The following OR2L13 variants were observed in gnomAD, a reference collection of about 807,000 sequenced individuals.
OR2L13 encodes olfactory receptor family 2 subfamily L member 13.
In OR2L13, 14 loss-of-function variants were observed where a neutral mutation model predicts 15.3. That is an observed-to-expected ratio of 0.91 (90% confidence interval 0.60 to 1.43). The LOEUF is 1.43. Among genes scored for constraint, OR2L13 ranks in the 40% most tolerant of loss-of-function variants. The probability of loss-of-function intolerance (pLI) is 0.00; values close to 1 mark genes in which losing one functional copy is unlikely to be tolerated. For missense variants in OR2L13, 367 were observed against 387.9 expected (o/e 0.95, Z 0.45); for synonymous variants, 152 against 142.9 (o/e 1.06, Z -0.45).
the OR2L13 span, among the ~76,000 whole-genome samples, chr1:247,945,106 C>T: frequency 6.6e-6 from 1 of 151,840 alleles, no homozygotes; most frequent in Non-Finnish European, 1.5e-5. Flanking sequence ...GTTAGGGTGT[C>T]GATTTGAGAT....
the OR2L13 span, among the ~76,000 whole-genome samples, chr1:248,050,117 C>T: frequency 6.6e-6 from 1 of 152,154 alleles, no homozygotes; most frequent in African/African-American, 2.4e-5. Flanking sequence ...TCACGCCTCC[C>T]TCCTGCCTTT....
At chr1:247,937,696 G>T in the OR2L13 span, among the ~76,000 whole-genome samples, 3 of 152,142 alleles carry the variant, frequency 2.0e-5, no homozygotes, top group Non-Finnish European at 2.9e-5. Flanking sequence ...TCCTCTCCCA[G>T]GCTCAGCTGC....
the OR2L13 span, among the ~76,000 whole-genome samples, chr1:248,065,412 C>CT: frequency 0.055 from 8,065 of 146,498 alleles, 730 homozygotes; most frequent in African/African-American, 0.19. Flanking sequence ...GAGTATCTTT[C>CT]TTTTTTTTTT....
At chr1:248,022,303 A>G in the OR2L13 span, 2 of 1,614,082 alleles carry the variant, frequency 1.2e-6, no homozygotes, top group Non-Finnish European at 1.7e-6. Flanking sequence ...TCAATGGCCT[A>G]TGATCGTTAT....
At chr1:248,018,060 C>G in the OR2L13 span, among the ~76,000 whole-genome samples, 1 of 151,192 alleles carries the variant, frequency 6.6e-6, no homozygotes, top group Non-Finnish European at 1.5e-5. Context: ...GAGGCTGAGG[C>G]AGGAGAATGG....
At chr1:248,060,936 G>A in the OR2L13 span, 1 of 1,613,944 alleles carries the variant, frequency 6.2e-7, no homozygotes, top group Non-Finnish European at 8.5e-7. Context: ...CTGATTTTCT[G>A]TCTGGTAACA....
the OR2L13 span, among the ~76,000 whole-genome samples, chr1:248,006,772 C>G: frequency 6.6e-6 from 1 of 152,074 alleles, no homozygotes; most frequent in Non-Finnish European, 1.5e-5. Context: ...TGCCTTCTAC[C>G]ATGTGAGGTC....
chr1:247,994,187 G>A, the OR2L13 span, among the ~76,000 whole-genome samples: 9 of 152,120 alleles, frequency 5.9e-5, no homozygotes, highest in Non-Finnish European at 4.4e-5. Flanking sequence ...ACAGGGTCAG[G>A]AGATCGAGAC....
chr1:247,963,340 A>C, the OR2L13 span, among the ~76,000 whole-genome samples: 1 of 152,070 alleles, frequency 6.6e-6, no homozygotes, highest in Admixed American at 6.6e-5. Flanking sequence ...TGCTGGTGGG[A>C]GTTTCCTTTG....
At chr1:248,039,101 C>T in the OR2L13 span, 6 of 1,614,110 alleles carry the variant, frequency 3.7e-6, no homozygotes, top group South Asian at 6.6e-5. Context: ...TTTTCTACAC[C>T]ATCCTCACCC....
At chr1:248,026,454 G>A in the OR2L13 span, among the ~76,000 whole-genome samples, 1 of 152,202 alleles carries the variant, frequency 6.6e-6, no homozygotes, top group East Asian at 1.9e-4. Context: ...CTCAAGCTGG[G>A]AAAAACTGGA....
At chr1:247,967,045 C>CACACACA in the OR2L13 span, among the ~76,000 whole-genome samples, 87 of 147,408 alleles carry the variant, frequency 5.9e-4, no homozygotes, top group African/African-American at 2.1e-3. Flanking sequence ...ACACCACACA[C>CACACACA]CACACACACA....
At chr1:248,042,362 G>A in the OR2L13 span, 290 of 117,768 alleles carry the variant, frequency 2.5e-3, 4 homozygotes, top group Middle Eastern at 9.5e-3. Flanking sequence ...TTGTGGGGTG[G>A]GGGGAGGGGG....
At chr1:247,965,267 A>C in the OR2L13 span, 1 of 1,310,930 alleles carries the variant, frequency 7.6e-7, no homozygotes, top group Non-Finnish European at 1.0e-6. Flanking sequence ...CAAACATGTA[A>C]GTGAATATTT....
the OR2L13 span, among the ~76,000 whole-genome samples, chr1:247,994,368 G>T: frequency 6.6e-6 from 1 of 152,144 alleles, no homozygotes; most frequent in African/African-American, 2.4e-5. Context: ...CTGCACTCCA[G>T]CCGGGGCGAC....
chr1:248,098,092 C>A (rs975295060), intron 1 of OR2L13, among the ~76,000 whole-genome samples: 1 of 152,160 alleles, frequency 6.6e-6, no homozygotes, highest in African/African-American at 2.4e-5. Context: ...TTAGAAAAGT[C>A]GTTTGGAATA....
chr1:247,949,059 A>C, the OR2L13 span: 2 of 1,613,738 alleles, frequency 1.2e-6, no homozygotes, highest in East Asian at 2.2e-5. Context: ...GCTCTCCCTC[A>C]TTGACCTAAA....
At chr1:248,044,885 C>G in the OR2L13 span, among the ~76,000 whole-genome samples, 8 of 145,862 alleles carry the variant, frequency 5.5e-5, no homozygotes. Context: ...AGCTCCCTTT[C>G]TCTTCCTCCT....
the OR2L13 span, among the ~76,000 whole-genome samples, chr1:247,994,923 C>T: frequency 6.6e-6 from 1 of 152,084 alleles, no homozygotes; most frequent in East Asian, 1.9e-4. Context: ...TGAATTATTC[C>T]TGGAATTATC....
Sources: allele counts gnomAD v4.1 joint callset (sites outside exome capture counted in the v4.1 genomes callset), GRCh38; gene constraint gnomAD v4.1.1; transcripts MANE v1.5; gene names NCBI Gene and HGNC (gene_info 2026-07-23, HGNC 2026-07-21).